Variants in ABL2 observed in about 807,000 individuals in gnomAD.
ABL2 encodes ABL proto-oncogene 2, non-receptor tyrosine kinase.
In ABL2, 49 loss-of-function variants were observed where a neutral mutation model predicts 107.7. That is an observed-to-expected ratio of 0.45 (90% CI 0.36 to 0.58). The LOEUF is 0.58. Among genes scored for constraint, ABL2 ranks in the 20% least tolerant of loss-of-function variants. ABL2 has a pLI of 0.00. For missense variants in ABL2, 1,245 were observed against 1,457.0 expected, an observed-to-expected ratio of 0.85 and a Z score of 2.37; for synonymous variants, 549 against 548.6, an observed-to-expected ratio of 1.00 and a Z score of -0.01.
At chr1:179,135,779 G>A (rs1189311641) in intron 1 of ABL2, among the ~76,000 whole-genome samples, 2 of 147,416 alleles carry the variant, frequency 1.4e-5, no homozygotes, top group African/African-American at 2.5e-5. Flanking sequence ...GGGAGGTGGG[G>A]GGGTCAGCCC....
At chr1:179,186,991 C>T (rs768156920) in intron 1 of ABL2, among the ~76,000 whole-genome samples, 1 of 152,202 alleles carries the variant, frequency 6.6e-6, no homozygotes, top group African/African-American at 2.4e-5. Flanking sequence ...CCTGCCCCCA[C>T]AAAGTGCTGG....
At position 179,110,300 on chromosome 1, in the gene ABL2, C is replaced by G. The variant is rs1337860933; in HGVS notation, c.1807G>C (p.Ala603Pro). ...CCCATACCTGGTGCTAAACTGGAAG[C>G]AGAATTTTCTGTGGCATCTTGTGCC... ...EGAQDATENSASSLAPGFIRG... is the reference protein window; with the variant it reads ...EGAQDATENSPSSLAPGFIRG... Residue 603 changes from alanine (A) to proline (P), a missense_variant, in exon 11 of 12, where the codon GCT (alanine) becomes CCT (proline). Around this residue, in one of 3 missense-constraint regions of ABL2, gnomAD observed 761 missense variants for 766.4 expected, o/e 0.99. Transcript: ENST00000502732. The G allele has an allele frequency of 6.2e-7, 1 of 1,614,184 alleles. No individual in the cohort carries two copies. Among genetic ancestry groups the G allele is most frequent in the Admixed American group, 1.7e-5 (1 of 60,010 alleles).
At chr1:179,132,516 GATT>G (rs1238695024) in intron 2 of ABL2, among the ~76,000 whole-genome samples, 1 of 151,340 alleles carries the variant, frequency 6.6e-6, no homozygotes, top group Non-Finnish European at 1.5e-5. Context: ...CTCCACTTAT[GATT>G]ATTATGATTA....
intron 1 of ABL2, among the ~76,000 whole-genome samples, chr1:179,171,304 T>C (rs1428197389): frequency 6.6e-6 from 1 of 152,198 alleles, no homozygotes; most frequent in Admixed American, 6.5e-5. Flanking sequence ...GTTAGCTAGA[T>C]ACTAATGGGA....
chr1:179,118,649 G>A lies in ABL2; in HGVS notation c.1161C>T (p.Leu387=). The part of the protein sequence containing the change: ...NREEVTAVVL[L]YMATQISSAM... ...CAGAAGAAATCTGAGTGGCCATGTAGAGCAGCACAACTGCAGTCACCTCTT... is the reference window on the plus strand; with the variant it reads ...CAGAAGAAATCTGAGTGGCCATGTAAAGCAGCACAACTGCAGTCACCTCTT... Residue 387 remains leucine (L), a synonymous_variant, in exon 7 of 12, where the codon CTC becomes CTT. Coordinates refer to ENST00000502732, the MANE Select transcript of ABL2 (RefSeq NM_007314.4). The A allele has an allele frequency of 3.1e-6, 5 of 1,613,800 alleles. No individual in the cohort carries two copies. Among genetic ancestry groups the A allele is most frequent in the Non-Finnish European group, 4.2e-6 (5 of 1,179,968 alleles).
chr1:179,229,173 ACCCACCCCGCCCCGAC>A, intron 1 of ABL2, 52 bp downstream of exon 1: 1 of 223,206 alleles, frequency 4.5e-6, no homozygotes, highest in Non-Finnish European at 7.2e-6. Flanking sequence ...CCCGTCCGCC[ACCCACCCCGCCCCGAC>A]CCCACCCCCG....
chr1:179,142,194 G>A (rs529622755), intron 1 of ABL2, among the ~76,000 whole-genome samples: 3 of 152,302 alleles, frequency 2.0e-5, no homozygotes, highest in East Asian at 3.9e-4. Context: ...GTAGATCAGA[G>A]ATTTAAGATG....
intron 3 of ABL2, among the ~76,000 whole-genome samples, chr1:179,130,080 C>T (rs978062059): frequency 6.6e-6 from 1 of 152,234 alleles, no homozygotes; most frequent in Non-Finnish European, 1.5e-5. Context: ...GCTAGGACTA[C>T]AGGCACATGC....
At chr1:179,143,832 G>A (rs904010778) in intron 1 of ABL2, among the ~76,000 whole-genome samples, 11 of 152,130 alleles carry the variant, frequency 7.2e-5, no homozygotes, top group African/African-American at 1.9e-4. Context: ...AGGTGACTGC[G>A]ATTACAGGCG....
chr1:179,201,010 C>T (rs1661637651), intron 1 of ABL2, among the ~76,000 whole-genome samples: 1 of 152,168 alleles, frequency 6.6e-6, no homozygotes, highest in African/African-American at 2.4e-5. Context: ...TCCAGACTCC[C>T]AGAAAGAAAG....
intron 1 of ABL2, among the ~76,000 whole-genome samples, chr1:179,180,348 A>G (rs534175987): frequency 1.6e-4 from 24 of 152,202 alleles, no homozygotes; most frequent in Non-Finnish European, 2.5e-4. Context: ...CAAGGAAGCA[A>G]TAAGATCAGA....
chr1:179,114,753 C>T (rs1418290661), intron 9 of ABL2, 125 bp downstream of exon 9: 8 of 989,140 alleles, frequency 8.1e-6, no homozygotes, highest in Non-Finnish European at 1.1e-5. Context: ...CAATGATAAA[C>T]TCTTTAAATG....
At chr1:179,172,101 T>C (rs1181937136) in intron 1 of ABL2, among the ~76,000 whole-genome samples, 4 of 152,144 alleles carry the variant, frequency 2.6e-5, no homozygotes, top group African/African-American at 9.7e-5. Flanking sequence ...AGCAAATAAA[T>C]TCACTTTAAA....
In ABL2 at chr1:179,109,169, C is replaced by T; in HGVS notation, c.2098G>A (p.Gly700Arg). Residue 700 changes from glycine to arginine, a missense_variant, in exon 12 of 12, where the codon GGG becomes AGG. Around this residue, in one of 3 missense-constraint regions of ABL2, gnomAD observed 761 missense variants for 766.4 expected, o/e 0.99. Transcript: ENST00000502732. ...SSVASLQHADGFSFTPAQQEA... is the reference protein window; with the variant it reads ...SSVASLQHADRFSFTPAQQEA... ...TGCTGGGCAGGAGTGAAAGAGAACC[C>T]ATCAGCATGCTGTAGAGAAGCAACA... The T allele has an allele frequency of 6.2e-7, 1 of 1,613,922 alleles. No individual in the cohort carries two copies. The highest frequency in any genetic ancestry group is 8.5e-7 in the Non-Finnish European group (1 of 1,179,998).
intron 1 of ABL2, among the ~76,000 whole-genome samples, chr1:179,135,448 C>T (rs9425833): frequency 0.49 from 72,278 of 147,120 alleles, 17,906 homozygotes; most frequent in Admixed American, 0.54. Context: ...GGAGACCCTC[C>T]GCCTGGCAAC....
chr1:179,160,028 T>A (rs1571221945), intron 1 of ABL2, among the ~76,000 whole-genome samples: 1 of 151,656 alleles, frequency 6.6e-6, no homozygotes, highest in Admixed American at 6.6e-5. Flanking sequence ...GCAGGAGAAT[T>A]GCTTGAACCC....
At chr1:179,141,833 GA>G (rs1657621552) in intron 1 of ABL2, among the ~76,000 whole-genome samples, 1 of 152,134 alleles carries the variant, frequency 6.6e-6, no homozygotes, top group Admixed American at 6.5e-5. Context: ...TTTTCAAAGA[GA>G]AAAACACCCT....
chr1:179,112,446 T>C (rs374392354), intron 9 of ABL2, 48 bp from the exon 10 acceptor site: 88 of 1,446,502 alleles, frequency 6.1e-5, no homozygotes, highest in Admixed American at 8.5e-5. Flanking sequence ...AGAAATTCAA[T>C]ATCCAGTGGT....
At chr1:179,224,045 C>T (rs1197012575) in intron 1 of ABL2, among the ~76,000 whole-genome samples, 4 of 137,330 alleles carry the variant, frequency 2.9e-5, no homozygotes, top group Non-Finnish European at 6.1e-5. Context: ...GTGAGAGGAT[C>T]ACTTGAGTCT....
Sources: gnomAD v4.1 joint callset for allele counts (sites outside exome capture counted in the v4.1 genomes callset) on GRCh38, gnomAD v4.1.1 for gene constraint, gnomAD v4.1.1 regional missense constraint, MANE v1.5 for transcripts, NCBI Gene and HGNC (gene_info 2026-07-23, HGNC 2026-07-21) for gene names.